The following SH3RF2 variants were observed in gnomAD, a reference collection of about 807,000 sequenced individuals.
SH3RF2 encodes E3 ubiquitin-protein ligase SH3RF2.
SH3RF2 carries 43 observed loss-of-function variants against 59.0 expected under a neutral mutation model. The observed-to-expected ratio is 0.73, with a 90% CI of 0.57 to 0.94. SH3RF2 has a LOEUF of 0.94. Among genes scored for constraint, SH3RF2 ranks in the 40% least tolerant of loss-of-function variants. The pLI is 0.00. For missense variants in SH3RF2, 930 were observed against 940.1 expected (o/e 0.99, Z 0.14); for synonymous variants, 391 against 391.5 (o/e 1.00, Z 0.01).
rs1418922276 is a variant in SH3RF2, at chr5:145,936,696, T to G, written c.-107+2T>G. The G allele has an allele frequency of 1.3e-5, 2 of 152,316 alleles. No individual in the cohort carries two copies. 9.4% of individuals were successfully genotyped at this position (152,316 alleles called of 1,614,324 possible). A position where few individuals can be genotyped will look rare whatever the true frequency, so the allele number is the denominator to read the frequency against. ...CTCAGCAGAAGTTACATGCACAAGG[T>G]TAGTGGCCCCCACACGCCTCCCCAG... On this transcript the variant is annotated splice_donor_variant, in intron 1 of 9. Transcript: ENST00000359120. LOFTEE classifies it low-confidence loss of function (5UTR_SPLICE).
At chr5:146,053,153 C>T (rs182370088) in intron 7 of SH3RF2, among the ~76,000 whole-genome samples, 8 of 152,286 alleles carry the variant, frequency 5.3e-5, no homozygotes, top group Admixed American at 1.3e-4. Context: ...TAAGAGCCAG[C>T]AAGTGAGCCT....
chr5:146,008,745 T>C (rs540634809), intron 4 of SH3RF2, among the ~76,000 whole-genome samples: 2 of 152,360 alleles, frequency 1.3e-5, no homozygotes, highest in South Asian at 2.1e-4. Flanking sequence ...AGAGTTCCAA[T>C]AGTCTGCCCT....
In SH3RF2 at chr5:145,938,194, G is replaced by A. The variant is rs775449544; in HGVS notation, c.266G>A (p.Arg89His). The A allele has an allele frequency of 9.9e-6, 16 of 1,613,632 alleles. No individual in the cohort carries two copies. The highest frequency in any genetic ancestry group is 5.0e-5 in the Admixed American group (3 of 60,008). Residue 89 changes from arginine to histidine, a missense_variant, in exon 2 of 10, where the codon CGC (arginine) becomes CAC (histidine). Arg to His is a conservative substitution (Grantham distance 29). Transcript: ENST00000359120. ...GQSSGRGGSF[R>H]RPGTMTLQDG... ...AGCTCCGGGAGAGGGGGCTCCTTCCGCAGGCCTGGCACGATGACCTTGCAG... is the reference window on the plus strand; with the variant it reads ...AGCTCCGGGAGAGGGGGCTCCTTCCACAGGCCTGGCACGATGACCTTGCAG...
intron 3 of SH3RF2, 27 bp downstream of exon 3, chr5:146,000,354 C>A: frequency 6.2e-7 from 1 of 1,605,542 alleles, no homozygotes; most frequent in South Asian, 1.1e-5. Flanking sequence ...CCACCAGAGT[C>A]ACCTGGGACC....
At position 146,000,256 on chromosome 5, in the gene SH3RF2, A is replaced by G. The variant is rs766525400; in HGVS notation, c.577A>G (p.Arg193Gly). The change falls in exon 3 of 10, where the codon AGG (arginine) becomes GGG (glycine). Residue 193 changes from arginine to glycine, a missense_variant. By Grantham distance (125) the Arg-to-Gly change is moderately radical. Transcript: ENST00000359120. Reference protein sequence around the residue: ...KQLPQPPPLCRALYNFDLRGK... With the variant: ...KQLPQPPPLCGALYNFDLRGK... ...GCTGCCCCAGCCGCCCCCGCTCTGC[A>G]GGGCCCTCTACAACTTCGACCTACG... The G allele has an allele frequency of 2.5e-6, 4 of 1,613,816 alleles. No homozygotes were observed. Among genetic ancestry groups the G allele is most frequent in the Middle Eastern group, 1.6e-4 (1 of 6,080 alleles).
At chr5:146,010,164 T>C (rs1760819703) in intron 4 of SH3RF2, among the ~76,000 whole-genome samples, 1 of 152,160 alleles carries the variant, frequency 6.6e-6, no homozygotes, top group South Asian at 2.1e-4. Flanking sequence ...TTGCTGAGAA[T>C]GATGGTTTCC....
intron 9 of SH3RF2, among the ~76,000 whole-genome samples, chr5:146,068,576 C>T (rs137952112): frequency 2.0e-5 from 3 of 152,360 alleles, no homozygotes; most frequent in Admixed American, 6.5e-5. Flanking sequence ...GAGACGTTAA[C>T]TCCAAATATC....
At chr5:146,020,780 C>T (rs1298252227) in intron 5 of SH3RF2, among the ~76,000 whole-genome samples, 2 of 151,848 alleles carry the variant, frequency 1.3e-5, no homozygotes, top group Admixed American at 1.3e-4. Flanking sequence ...TTACCTAGAA[C>T]AAAAAAGACA....
intron 7 of SH3RF2, among the ~76,000 whole-genome samples, chr5:146,052,311 G>A (rs1226591734): frequency 2.0e-5 from 3 of 152,166 alleles, no homozygotes; most frequent in African/African-American, 7.2e-5. Context: ...TGTATTTCAA[G>A]GCTCCAGTTT....
intron 2 of SH3RF2, among the ~76,000 whole-genome samples, chr5:145,986,342 G>T (rs963241423): frequency 6.6e-6 from 1 of 152,144 alleles, no homozygotes; most frequent in South Asian, 2.1e-4. Context: ...TGGGAGGGTT[G>T]TTTGACTCAT....
chr5:146,064,866 G>GAA (rs1763064895), downstream of SH3RF2, among the ~76,000 whole-genome samples: 3 of 83,988 alleles, frequency 3.6e-5, no homozygotes, highest in Non-Finnish European at 5.5e-5. Flanking sequence ...GAAAGAAAGA[G>GAA]AAAGAAAAAG....
chr5:146,037,291 TA>T (rs1761972710), intron 5 of SH3RF2, among the ~76,000 whole-genome samples: 1 of 152,054 alleles, frequency 6.6e-6, no homozygotes, highest in African/African-American at 2.4e-5. Context: ...CCACAGCCAA[TA>T]AGTTACAATG....
intron 2 of SH3RF2, among the ~76,000 whole-genome samples, chr5:145,942,477 A>T (rs1214139240): frequency 6.6e-6 from 1 of 152,194 alleles, no homozygotes; most frequent in Non-Finnish European, 1.5e-5. Flanking sequence ...GGGAAAAAAA[A>T]TGAGGTCAGA....
intron 3 of SH3RF2, 26 bp from the exon 4 acceptor site, chr5:146,004,031 TG>T: frequency 6.3e-7 from 1 of 1,599,340 alleles, no homozygotes. Context: ...TGAGAGTAAA[TG>T]CTGACCATGA....
chr5:146,045,747 G>A (rs936522101), intron 5 of SH3RF2, among the ~76,000 whole-genome samples: 1 of 152,194 alleles, frequency 6.6e-6, no homozygotes, highest in Admixed American at 6.5e-5. Context: ...CATTTGAGTT[G>A]TTTCCCGCTT....
intron 8 of SH3RF2, among the ~76,000 whole-genome samples, chr5:146,057,984 C>CTATCTATATATA (rs1554120847): frequency 6.2e-5 from 9 of 145,740 alleles, no homozygotes; most frequent in African/African-American, 2.4e-4. Context: ...ATCTATCTAT[C>CTATCTATATATA]TATATATATA....
chr5:145,996,248 T>C (rs1438136902), intron 2 of SH3RF2, among the ~76,000 whole-genome samples: 5 of 152,218 alleles, frequency 3.3e-5, no homozygotes, highest in Non-Finnish European at 7.3e-5. Flanking sequence ...CCCCACTGCA[T>C]GAATAGCAAG....
chr5:145,938,171 C>A lies in SH3RF2; in HGVS notation c.243C>A (p.Ser81Arg). Reference sequence around the variant, plus strand: ...TGGATGGAGTGCGCTCAGGGCAGAGCTCCGGGAGAGGGGGCTCCTTCCGCA... The same window carrying A: ...TGGATGGAGTGCGCTCAGGGCAGAGATCCGGGAGAGGGGGCTCCTTCCGCA... ...RLLDGVRSGQ[S>R]SGRGGSFRRP... Residue 81 changes from serine (S) to arginine (R), a missense_variant, in exon 2 of 10, where the codon AGC (serine) becomes AGA (arginine). Physicochemically the swap from Ser to Arg is moderately radical, Grantham distance 110. Transcript: ENST00000359120. 1 of 1,614,116 alleles carries A rather than the reference C, an allele frequency of 6.2e-7. No homozygotes were observed. Among genetic ancestry groups the A allele is most frequent in the East Asian group, 2.2e-5 (1 of 44,884 alleles).
At chr5:146,066,036 T>C (rs1763096286), downstream of SH3RF2, among the ~76,000 whole-genome samples, 2 of 152,196 alleles carry the variant, frequency 1.3e-5, no homozygotes, top group South Asian at 4.1e-4. Flanking sequence ...ATTTCCACCA[T>C]ATCCCTATAA....
Sources: allele counts gnomAD v4.1 joint callset (sites outside exome capture counted in the v4.1 genomes callset), GRCh38; gene constraint gnomAD v4.1.1; transcripts MANE v1.5; gene names NCBI Gene and HGNC (gene_info 2026-07-23, HGNC 2026-07-21).